SLC9A9: variants seen among roughly 807,000 people sequenced by gnomAD.
SLC9A9 encodes sodium/hydrogen exchanger 9.
In SLC9A9, 62 loss-of-function variants were observed where a neutral mutation model predicts 77.8. That is an observed-to-expected ratio of 0.80 (90% CI 0.65 to 0.98). The LOEUF is 0.98. SLC9A9 is among the 50% of genes least tolerant of loss of function. The pLI is 0.00. For synonymous variants in SLC9A9, 320 were observed against 283.5 expected (o/e 1.13, Z -1.29); for missense variants, 775 against 774.9 (o/e 1.00, Z 0.00).
At chr3:143,325,159 C>T (rs1261928917) in intron 14 of SLC9A9, among the ~76,000 whole-genome samples, 3 of 151,984 alleles carry the variant, frequency 2.0e-5, no homozygotes, top group Admixed American at 6.6e-5. Flanking sequence ...TCTGGTGGCC[C>T]TCCTTGAATT....
chr3:143,292,143 A>C (rs542119859), intron 14 of SLC9A9, among the ~76,000 whole-genome samples: 2 of 152,226 alleles, frequency 1.3e-5, no homozygotes, highest in African/African-American at 2.4e-5. Context: ...GAGGACACAG[A>C]GCCAGAGGCC....
intron 6 of SLC9A9, among the ~76,000 whole-genome samples, chr3:143,642,685 G>A (rs1225866844): frequency 6.6e-6 from 1 of 152,040 alleles, no homozygotes; most frequent in Non-Finnish European, 1.5e-5. Flanking sequence ...TTTTATTGAT[G>A]AATTCTGGAT....
chr3:143,337,446 G>T (rs1377774738), intron 14 of SLC9A9, among the ~76,000 whole-genome samples: 1 of 152,186 alleles, frequency 6.6e-6, no homozygotes, highest in Admixed American at 6.5e-5. Flanking sequence ...CACTCCTCTT[G>T]CTTGTTCCTT....
At chr3:143,590,888 T>C (rs1472897198) in intron 6 of SLC9A9, among the ~76,000 whole-genome samples, 1 of 152,214 alleles carries the variant, frequency 6.6e-6, no homozygotes, top group Non-Finnish European at 1.5e-5. Flanking sequence ...AGAATCAGCA[T>C]AGGGCACTTG....
chr3:143,423,152 C>G (rs546242913), intron 12 of SLC9A9, among the ~76,000 whole-genome samples: 1 of 152,094 alleles, frequency 6.6e-6, no homozygotes, highest in East Asian at 1.9e-4. Flanking sequence ...TATTAGAACA[C>G]ACACACAAAT....
chr3:143,826,279 A>T (rs1015159883), intron 2 of SLC9A9, among the ~76,000 whole-genome samples: 1 of 150,626 alleles, frequency 6.6e-6, no homozygotes, highest in African/African-American at 2.5e-5. Flanking sequence ...AAAAACCACC[A>T]TATTTGTGAT....
At chr3:143,522,828 A>G (rs2036335723) in intron 9 of SLC9A9, among the ~76,000 whole-genome samples, 2 of 152,180 alleles carry the variant, frequency 1.3e-5, no homozygotes, top group African/African-American at 4.8e-5. Flanking sequence ...AAAAACTGTA[A>G]GAGGAAATAT....
chr3:143,451,784 G>A (rs1033580692), intron 12 of SLC9A9, among the ~76,000 whole-genome samples: 83 of 152,088 alleles, frequency 5.5e-4, no homozygotes, highest in African/African-American at 1.9e-3. Context: ...ACCATTTTAA[G>A]TTTTACTTTT....
intron 13 of SLC9A9, among the ~76,000 whole-genome samples, chr3:143,369,167 TGTATAGTAGATCCAA>T (rs1191422663): frequency 2.6e-5 from 4 of 152,220 alleles, no homozygotes; most frequent in Admixed American, 2.6e-4. Flanking sequence ...TAACTTTGTC[TGTATAGTAGATCCAA>T]GTTAATCCAG....
chr3:143,382,177 T>G, intron 12 of SLC9A9, 63 bp from the exon 13 acceptor site: 1 of 1,560,486 alleles, frequency 6.4e-7, no homozygotes, highest in Non-Finnish European at 8.8e-7. Context: ...CAGTCTTGTG[T>G]GTCAGATGAC....
chr3:143,826,644 C>T (rs188605351), intron 2 of SLC9A9, among the ~76,000 whole-genome samples: 4 of 152,280 alleles, frequency 2.6e-5, no homozygotes, highest in African/African-American at 9.6e-5. Flanking sequence ...CAAGGTCTGC[C>T]TTCATTTTCA....
intron 4 of SLC9A9, among the ~76,000 whole-genome samples, chr3:143,729,521 A>T (rs1934748676): frequency 6.6e-6 from 1 of 152,154 alleles, no homozygotes; most frequent in African/African-American, 2.4e-5. Flanking sequence ...GATAGCAGGG[A>T]CTGTGCCTTG....
At chr3:143,793,139 C>A (rs915973364) in intron 4 of SLC9A9, among the ~76,000 whole-genome samples, 2 of 152,006 alleles carry the variant, frequency 1.3e-5, no homozygotes, top group Non-Finnish European at 2.9e-5. Context: ...GTTGGACAAC[C>A]AACAATTTAA....
intron 9 of SLC9A9, among the ~76,000 whole-genome samples, chr3:143,500,118 T>C (rs2035901633): frequency 6.6e-6 from 1 of 152,220 alleles, no homozygotes; most frequent in Admixed American, 6.5e-5. Context: ...TTGGATTTTT[T>C]TTTTGTAGGA....
chr3:143,829,430 C>T, intron 2 of SLC9A9, among the ~76,000 whole-genome samples: 1 of 152,114 alleles, frequency 6.6e-6, no homozygotes, highest in East Asian at 1.9e-4. Context: ...CCACCCTGCC[C>T]TGATGGCCAT....
At chr3:143,378,532 C>T (rs777201285) in intron 13 of SLC9A9, among the ~76,000 whole-genome samples, 16 of 152,130 alleles carry the variant, frequency 1.1e-4, no homozygotes, top group African/African-American at 2.4e-4. Context: ...GGAGTGAGTA[C>T]GATCAAATGG....
intron 6 of SLC9A9, among the ~76,000 whole-genome samples, chr3:143,640,019 CTT>C (rs10575577): frequency 8.1e-6 from 1 of 124,146 alleles, no homozygotes; most frequent in African/African-American, 3.1e-5. Flanking sequence ...CTTTTTTTTT[CTT>C]TTTTTTTTTT....
intron 6 of SLC9A9, among the ~76,000 whole-genome samples, chr3:143,642,576 G>A (rs988956439): frequency 7.2e-5 from 11 of 152,180 alleles, no homozygotes; most frequent in East Asian, 1.9e-4. Context: ...GACATAATGT[G>A]ATGCTTCAAT....
chr3:143,648,700 A>G (rs925942494), intron 6 of SLC9A9, among the ~76,000 whole-genome samples: 20 of 152,172 alleles, frequency 1.3e-4, no homozygotes, highest in Non-Finnish European at 1.5e-4. Context: ...GAAGCTGATT[A>G]TATACCCTTG....
Sources: gnomAD v4.1 joint callset for allele counts (sites outside exome capture counted in the v4.1 genomes callset) on GRCh38, gnomAD v4.1.1 for gene constraint, MANE v1.5 for transcripts, NCBI Gene and HGNC (gene_info 2026-07-23, HGNC 2026-07-21) for gene names.